TXNDC12: variants seen among roughly 807,000 people sequenced by gnomAD.
TXNDC12 encodes thioredoxin domain-containing protein 12.
TXNDC12 carries 22 observed loss-of-function variants against 24.2 expected under a neutral mutation model. The ratio of observed to expected loss-of-function variants is 0.91; its 90% CI spans 0.65 to 1.30. TXNDC12 has a LOEUF of 1.30. TXNDC12 is among the 50% of genes most tolerant of loss of function. The probability of loss-of-function intolerance (pLI) is 0.00; values close to 1 mark genes in which losing one functional copy is unlikely to be tolerated. For synonymous variants in TXNDC12, 58 were observed against 73.4 expected (o/e 0.79, Z 1.07); for missense variants, 184 against 205.8 (o/e 0.89, Z 0.65).
At chr1:52,033,677 C>G in intron 2 of TXNDC12, 1 of 1,611,042 alleles carries the variant, frequency 6.2e-7, no homozygotes, top group South Asian at 1.1e-5. Flanking sequence ...ACCGCGCGGC[C>G]CTCGGCAGCC....
intron 2 of TXNDC12, among the ~76,000 whole-genome samples, chr1:52,029,630 AC>A (rs1158344170): frequency 1.3e-5 from 2 of 152,198 alleles, no homozygotes; most frequent in African/African-American, 4.8e-5. Context: ...CCTCCACTGG[AC>A]TTGGAGATTC....
rs1011541930 is a variant in TXNDC12 at position 52,025,514 on chromosome 1, G to A, written c.286-935C>T. ...ATCACAGGCATAAGCCACCACGCCC[G>A]GCCTAATCAGTTTTCTTTTTAAGAA... On this transcript the variant is annotated intron_variant, in intron 4 of 6. Transcript: ENST00000371626. 3.9e-5 allele frequency among the ~76,000 whole-genome samples: 6 copies of A among 152,200 alleles called. No individual in the cohort carries two copies. In the East Asian group the frequency reaches 5.8e-4, roughly 15 times the overall value.
At chr1:52,055,305 C>G (rs1482639367), upstream of TXNDC12, 1 of 542,628 alleles carries the variant, frequency 1.8e-6, no homozygotes, top group Non-Finnish European at 3.3e-6. Flanking sequence ...AGGTGCAGAT[C>G]ACGTAGAAGG....
Position 52,055,165 on chromosome 1 carries a change from A to C in TXNDC12, c.-69T>G. The C allele has an allele frequency of 9.0e-7, 1 of 1,115,480 alleles. No individual in the cohort carries two copies. Among genetic ancestry groups the C allele is most frequent in the Admixed American group, 1.8e-5 (1 of 54,744 alleles). 69.1% of individuals were successfully genotyped at this position (1,115,480 alleles called of 1,614,324 possible). On this transcript the variant is annotated 5_prime_UTR_variant, in exon 1 of 7. Transcript: ENST00000371626. Reference sequence around the variant, plus strand: ...CGGAGTCCCAGCAGACGGTCCACACAGTTCGCCGAGCGCCGCTCAGCACAA... The same window carrying C: ...CGGAGTCCCAGCAGACGGTCCACACCGTTCGCCGAGCGCCGCTCAGCACAA...
At chr1:52,034,190 C>T in intron 2 of TXNDC12, 1 of 632,276 alleles carries the variant, frequency 1.6e-6, no homozygotes, top group Non-Finnish European at 2.3e-6. Context: ...CCATTTCAAT[C>T]ATTCAACATC....
At chr1:52,055,324 G>T, upstream of TXNDC12, 1 of 499,504 alleles carries the variant, frequency 2.0e-6, no homozygotes, top group Non-Finnish European at 3.7e-6. Context: ...GGGTACGAGA[G>T]CTGTTCTCGA....
At chr1:52,055,588 A>C, upstream of TXNDC12, 1 of 164,892 alleles carries the variant, frequency 6.1e-6, no homozygotes, top group Non-Finnish European at 1.3e-5. Flanking sequence ...CCCTCCACAA[A>C]TCAAGACTGG....
rs1572015544 is a variant in TXNDC12 at position 52,055,177 on chromosome 1, G to A, written c.-81C>T. ...AGACGGTCCACACAGTTCGCCGAGCGCCGCTCAGCACAACACCTCTACTTC... is the reference window on the plus strand; with the variant it reads ...AGACGGTCCACACAGTTCGCCGAGCACCGCTCAGCACAACACCTCTACTTC... On this transcript the variant is annotated 5_prime_UTR_variant, in exon 1 of 7. Transcript: ENST00000371626. 1.0e-6 allele frequency: 1 copy of A among 979,944 alleles called. No individual in the cohort carries two copies. Among genetic ancestry groups the A allele is most frequent in the South Asian group, 1.3e-5 (1 of 75,802 alleles). 60.7% of individuals were successfully genotyped at this position (979,944 alleles called of 1,614,324 possible). A position where few individuals can be genotyped will look rare whatever the true frequency, so the allele number is the denominator to read the frequency against.
chr1:52,047,415 A>G (rs1686118509), intron 1 of TXNDC12, among the ~76,000 whole-genome samples: 1 of 152,190 alleles, frequency 6.6e-6, no homozygotes, highest in African/African-American at 2.4e-5. Flanking sequence ...AAGAAGTATG[A>G]AATAGTCCCC....
At position 52,024,547 on chromosome 1, in the gene TXNDC12, G is replaced by A; in HGVS notation, c.318C>T (p.Ser106=). The change falls in exon 5 of 7, where the codon AGC becomes AGT. Residue 106 remains serine, a synonymous_variant. Transcript: ENST00000371626. ...DEEEPKDEDF[S]PDGGYIPRIL... is the part of the protein sequence containing the mutation. ...TTCGTGGAATATAACCCCCGTCAGG[G>A]CTGAAATCTTCATCTTTGGGTTCCT... is the stretch of plus-strand genomic sequence containing the variant. The A allele has an allele frequency of 6.2e-7, 1 of 1,612,726 alleles. No individual in the cohort carries two copies. The highest frequency in any genetic ancestry group is 8.5e-7 in the Non-Finnish European group (1 of 1,179,174).
Position 52,027,362 on chromosome 1 carries a change from G to A in TXNDC12, c.212-14C>T. 2 of 1,592,296 alleles carry A rather than the reference G, an allele frequency of 1.3e-6. No homozygotes were observed. The highest frequency in any genetic ancestry group is 1.7e-6 in the Non-Finnish European group (2 of 1,161,308). On this transcript the variant is annotated splice_polypyrimidine_tract_variant and intron_variant, in intron 3 of 6. Transcript: ENST00000371626. ...TGGGCTTTAGAGCTGGGGGGAAAAA[G>A]ATTTTGGAATAGAAGAAAAAACATC... is the stretch of plus-strand genomic sequence containing the variant.
intron 2 of TXNDC12, among the ~76,000 whole-genome samples, chr1:52,028,890 G>A (rs1349319792): frequency 6.6e-6 from 1 of 152,168 alleles, no homozygotes; most frequent in Admixed American, 6.5e-5. Context: ...CACTTTGGGA[G>A]GCTGAAGTGG....
intron 2 of TXNDC12, among the ~76,000 whole-genome samples, 167 bp downstream of exon 2, chr1:52,041,370 T>C (rs1046071781): frequency 4.6e-5 from 7 of 152,026 alleles, no homozygotes; most frequent in African/African-American, 7.2e-5. Flanking sequence ...ACCCATGTTG[T>C]TCAAGGCTCA....
chr1:52,041,433 A>C (rs1217443247), intron 2 of TXNDC12, 104 bp downstream of exon 2: 5 of 650,130 alleles, frequency 7.7e-6, no homozygotes, highest in Admixed American at 5.3e-5. Context: ...GCAACTATTC[A>C]GTTCTTGCTC....
At position 52,024,682 on chromosome 1, in the gene TXNDC12, C is replaced by T. The variant is rs901466940; in HGVS notation, c.286-103G>A. The T allele has an allele frequency of 3.5e-6, 3 of 856,226 alleles. No homozygotes were observed. The East Asian group carries it at 8.0e-5, about 23-fold the overall frequency. 53.0% of individuals were successfully genotyped at this position (856,226 alleles called of 1,614,324 possible). ...GTCAGGGCAAAACCCCAAGTCCTTG[C>T]AGTGGCCTATAAGGCCCTACATGAT... On this transcript the variant is annotated intron_variant, in intron 4 of 6. Transcript: ENST00000371626.
At chr1:52,048,667 G>T (rs1285591094) in intron 1 of TXNDC12, among the ~76,000 whole-genome samples, 1 of 151,838 alleles carries the variant, frequency 6.6e-6, no homozygotes, top group East Asian at 1.9e-4. Flanking sequence ...AGGAGTTCAA[G>T]ACCAGCCTGG....
Position 52,023,479 on chromosome 1 carries a change from G to A in TXNDC12, c.439+12C>T. 6.2e-7 allele frequency: 1 copy of A among 1,607,174 alleles called. No homozygotes were observed. The highest frequency in any genetic ancestry group is 8.5e-7 in the Non-Finnish European group (1 of 1,173,762). On this transcript the variant is annotated intron_variant, in intron 6 of 6. Coordinates refer to ENST00000371626, the MANE Select transcript of TXNDC12 (RefSeq NM_015913.4). ...CTAGCAATAATCCTCCCTCCCTTCAGCATAACTATACCTTGCTCGGCACTG... is the reference window on the plus strand; with the variant it reads ...CTAGCAATAATCCTCCCTCCCTTCAACATAACTATACCTTGCTCGGCACTG...
At chr1:52,032,909 A>G (rs368155864) in intron 2 of TXNDC12, 25 of 1,612,186 alleles carry the variant, frequency 1.6e-5, no homozygotes, top group East Asian at 6.7e-5. Flanking sequence ...GCTTCCATCA[A>G]TCCGGCCAGT....
intron 1 of TXNDC12, chr1:52,044,096 G>A (rs1382615519): frequency 6.6e-6 from 1 of 152,126 alleles, no homozygotes; most frequent in East Asian, 1.9e-4. Flanking sequence ...CTAAACTCAG[G>A]CAACTGAATC....
Sources: allele counts gnomAD v4.1 joint callset (sites outside exome capture counted in the v4.1 genomes callset), GRCh38; gene constraint gnomAD v4.1.1; transcripts MANE v1.5; gene names NCBI Gene and HGNC (gene_info 2026-07-23, HGNC 2026-07-21).